Variants in CTNNA2 observed in about 807,000 individuals in gnomAD.
CTNNA2 encodes catenin alpha-2.
In CTNNA2, 42 loss-of-function variants were observed where a neutral mutation model predicts 101.0. The ratio of observed to expected loss-of-function variants is 0.42; its 90% CI spans 0.32 to 0.54. CTNNA2 has a LOEUF of 0.54. Ranked by LOEUF, CTNNA2 falls within the 20% of genes least tolerant of loss-of-function variation. The probability of loss-of-function intolerance (pLI) is 0.14; values close to 1 mark genes in which losing one functional copy is unlikely to be tolerated. For synonymous variants in CTNNA2, 450 were observed against 456.4 expected (o/e 0.99, Z 0.18); for missense variants, 871 against 1,223.1 (o/e 0.71, Z 4.29).
intron 1 of CTNNA2, among the ~76,000 whole-genome samples, chr2:79,642,912 G>A (rs1479038539): frequency 1.3e-5 from 2 of 151,936 alleles, no homozygotes; most frequent in East Asian, 3.9e-4. Flanking sequence ...AAAATTAACA[G>A]GCCGGGCACG....
chr2:79,890,384 G>A (rs995659151), intron 6 of CTNNA2, among the ~76,000 whole-genome samples: 2 of 152,150 alleles, frequency 1.3e-5, no homozygotes, highest in African/African-American at 4.8e-5. Flanking sequence ...GACAGGTCCT[G>A]TCTCCCTCCC....
chr2:80,078,454 G>A (rs1317053337), intron 7 of CTNNA2, among the ~76,000 whole-genome samples: 1 of 152,186 alleles, frequency 6.6e-6, no homozygotes, highest in Admixed American at 6.5e-5. Flanking sequence ...GTGGTGACCA[G>A]CGAGGAGCAG....
intron 3 of CTNNA2, among the ~76,000 whole-genome samples, chr2:79,762,488 T>G (rs1203235389): frequency 6.6e-6 from 1 of 152,222 alleles, no homozygotes; most frequent in Non-Finnish European, 1.5e-5. Context: ...GAGTAGATTT[T>G]ATGATTTTTT....
At position 79,974,189 on chromosome 2, in the gene CTNNA2, C is replaced by T. The variant is rs143884746; in HGVS notation, c.1056+64392C>T. Among the ~76,000 whole-genome samples, 24 of 152,116 alleles carry T rather than the reference C, an allele frequency of 1.6e-4. No individual in the cohort carries two copies. In the East Asian group the frequency reaches 3.7e-3, roughly 23 times the overall value. ...TTAGGAAACTTATTGAGCATGATTT[C>T]TTTTAGTCTCAGTTTACCAATCTGT... On this transcript the variant is annotated intron_variant, in intron 7 of 18. Transcript: ENST00000402739.
chr2:80,053,705 C>A (rs147454577), intron 7 of CTNNA2, among the ~76,000 whole-genome samples: 5 of 152,312 alleles, frequency 3.3e-5, no homozygotes, highest in African/African-American at 1.2e-4. Flanking sequence ...TCCACACTTA[C>A]AACCTCCCTG....
chr2:79,936,672 C>T (rs2104442413), intron 7 of CTNNA2, among the ~76,000 whole-genome samples: 1 of 152,216 alleles, frequency 6.6e-6, no homozygotes. Context: ...GCCATCGTTC[C>T]TCACCTTAAT....
intron 7 of CTNNA2, among the ~76,000 whole-genome samples, chr2:80,335,211 T>C (rs1444253319): frequency 2.0e-5 from 3 of 152,176 alleles, no homozygotes; most frequent in African/African-American, 4.8e-5. Flanking sequence ...CTGGAAAGGA[T>C]GTGGAGGGTC....
intron 7 of CTNNA2, chr2:80,328,421 C>T (rs1328752864): frequency 2.1e-6 from 1 of 470,250 alleles, no homozygotes; most frequent in Non-Finnish European, 4.4e-6. Flanking sequence ...AGGGGCCAGA[C>T]TGAGGGACCT....
intron 17 of CTNNA2, among the ~76,000 whole-genome samples, chr2:80,615,893 T>G (rs1173813023): frequency 6.6e-6 from 1 of 151,750 alleles, no homozygotes; most frequent in Non-Finnish European, 1.5e-5. Context: ...CGGAACACAT[T>G]GTCTTACTCT....
At chr2:80,543,653 T>C (rs1374580283) in intron 9 of CTNNA2, among the ~76,000 whole-genome samples, 1 of 152,198 alleles carries the variant, frequency 6.6e-6, no homozygotes, top group Non-Finnish European at 1.5e-5. Context: ...AAGTGACTTA[T>C]AAAGATGCCC....
At position 79,520,207 on chromosome 2, in the gene CTNNA2, G is replaced by A. The variant is rs919799665; in HGVS notation, c.-6+7000G>A. ...CAAACACACCTGTGTAACCAGCAGT[G>A]CGATCAAGATACAGAATATATCTGT... is the stretch of plus-strand genomic sequence containing the variant. On this transcript the variant is annotated intron_variant, in intron 1 of 18. Coordinates refer to ENST00000402739, the MANE Select transcript of CTNNA2 (RefSeq NM_001282597.3). Among the ~76,000 whole-genome samples, 6 of 152,310 alleles carry A rather than the reference G, an allele frequency of 3.9e-5. No homozygotes were observed. The South Asian group carries it at 1.0e-3, about 26-fold the overall frequency.
chr2:80,025,599 G>A (rs930209934), intron 7 of CTNNA2, among the ~76,000 whole-genome samples: 3 of 152,160 alleles, frequency 2.0e-5, no homozygotes, highest in African/African-American at 7.2e-5. Context: ...AACATGACAG[G>A]AACTGTTGGG....
intron 7 of CTNNA2, among the ~76,000 whole-genome samples, chr2:80,307,725 C>T (rs1677164454): frequency 6.6e-6 from 1 of 152,168 alleles, no homozygotes; most frequent in Non-Finnish European, 1.5e-5. Context: ...CCATGTTTGT[C>T]AGGGGAAGGA....
intron 4 of CTNNA2, among the ~76,000 whole-genome samples, chr2:79,862,417 G>GTA: frequency 6.6e-6 from 1 of 152,132 alleles, no homozygotes; most frequent in African/African-American, 2.4e-5. Context: ...CCTCAGTAGT[G>GTA]TATTATTTCT....
chr2:80,026,065 T>C (rs1694909668), intron 7 of CTNNA2, among the ~76,000 whole-genome samples: 1 of 152,120 alleles, frequency 6.6e-6, no homozygotes, highest in Non-Finnish European at 1.5e-5. Context: ...GATATGTTTG[T>C]AATTCAGATG....
intron 1 of CTNNA2, among the ~76,000 whole-genome samples, chr2:79,609,005 T>G (rs1244583287): frequency 6.6e-6 from 1 of 152,006 alleles, no homozygotes; most frequent in East Asian, 1.9e-4. Context: ...CAAGGAAAAA[T>G]CTACTAGAAT....
intron 1 of CTNNA2, among the ~76,000 whole-genome samples, chr2:79,551,701 A>G (rs1258714374): frequency 2.0e-5 from 3 of 152,166 alleles, no homozygotes; most frequent in African/African-American, 7.2e-5. Flanking sequence ...TACATGAAGT[A>G]TGGCTAGGGA....
intron 2 of CTNNA2, among the ~76,000 whole-genome samples, chr2:79,307,533 T>C (rs903481817): frequency 4.6e-5 from 7 of 152,220 alleles, no homozygotes; most frequent in Non-Finnish European, 1.0e-4. Flanking sequence ...GCAATGTCCA[T>C]GTTGCTGTGA....
At chr2:79,639,217 A>C (rs554983783) in intron 1 of CTNNA2, among the ~76,000 whole-genome samples, 3 of 152,300 alleles carry the variant, frequency 2.0e-5, no homozygotes, top group African/African-American at 7.2e-5. Flanking sequence ...CTGCTTTTAC[A>C]ATCTGATGAG....
Sources: gnomAD v4.1 joint callset for allele counts (sites outside exome capture counted in the v4.1 genomes callset) on GRCh38, gnomAD v4.1.1 for gene constraint, MANE v1.5 for transcripts, NCBI Gene and HGNC (gene_info 2026-07-23, HGNC 2026-07-21) for gene names.